CPA3: variants seen among roughly 807,000 people sequenced by gnomAD.
The protein encoded by CPA3 is carboxypeptidase A3, also known as mast cell carboxypeptidase A.
A neutral mutation model predicts 55.8 loss-of-function variants in CPA3; 52 were observed. The observed-to-expected ratio is 0.93, with a 90% CI of 0.75 to 1.17. The LOEUF (loss-of-function observed/expected upper bound fraction) is 1.17. CPA3 is among the 50% of genes most tolerant of loss of function. The pLI is 0.00. For synonymous variants in CPA3, 179 were observed against 171.2 expected (o/e 1.05, Z -0.36); for missense variants, 547 against 509.1 (o/e 1.07, Z -0.72).
intron 9 of CPA3, among the ~76,000 whole-genome samples, chr3:148,884,184 G>GCC (rs1055975711): frequency 9.9e-5 from 15 of 151,996 alleles, no homozygotes; most frequent in African/African-American, 3.4e-4. Context: ...TACTAGTCCT[G>GCC]CCCCCCAGAT....
At chr3:148,895,163 C>T (rs1021802142) in intron 10 of CPA3, among the ~76,000 whole-genome samples, 8 of 152,074 alleles carry the variant, frequency 5.3e-5, no homozygotes, top group Non-Finnish European at 1.2e-4. Context: ...CACCTAGTCC[C>T]GATTCACAAG....
chr3:148,892,158 C>T lies in CPA3; in HGVS notation c.1067-4362C>T, dbSNP rs566296914. 1.3e-4 allele frequency among the ~76,000 whole-genome samples: 20 copies of T among 152,022 alleles called. No homozygotes were observed. The South Asian group carries it at 4.2e-3, about 32-fold the overall frequency. On this transcript the variant is annotated intron_variant, in intron 10 of 10. Transcript: ENST00000296046. Reference sequence around the variant, plus strand: ...ACTGCTTCTAAAAGTAGACATTTTCCAAAAAATAGGGTACAATATATGGAT... The same window carrying T: ...ACTGCTTCTAAAAGTAGACATTTTCTAAAAAATAGGGTACAATATATGGAT...
chr3:148,895,509 T>C (rs1714801860), intron 10 of CPA3, among the ~76,000 whole-genome samples: 1 of 152,226 alleles, frequency 6.6e-6, no homozygotes, highest in Non-Finnish European at 1.5e-5. Context: ...TATTGACTTA[T>C]ACCTTGACTT....
At chr3:148,868,399 TAA>T (rs919251635) in intron 2 of CPA3, among the ~76,000 whole-genome samples, 1 of 152,120 alleles carries the variant, frequency 6.6e-6, no homozygotes, top group African/African-American at 2.4e-5. Context: ...GAGTAAAATT[TAA>T]AGAGTCCTAG....
chr3:148,869,702 T>C (rs6807270), intron 3 of CPA3, among the ~76,000 whole-genome samples: 87,134 of 152,068 alleles, frequency 0.57, 26,016 homozygotes, highest in Middle Eastern at 0.68. Flanking sequence ...TCTGAATATA[T>C]TGAGCAGCAA....
At chr3:148,886,220 T>A (rs766450732) in intron 10 of CPA3, 43 bp downstream of exon 10, 40 of 1,369,714 alleles carry the variant, frequency 2.9e-5, no homozygotes, top group Non-Finnish European at 4.0e-5. Flanking sequence ...TCCCTAATTA[T>A]TTTTTACAAA....
intron 10 of CPA3, among the ~76,000 whole-genome samples, chr3:148,892,245 A>G (rs963444294): frequency 2.6e-5 from 4 of 152,198 alleles, no homozygotes; most frequent in Non-Finnish European, 5.9e-5. Context: ...ATCAAGAAAT[A>G]ACCTCTATCC....
In CPA3 at chr3:148,881,429, G is replaced by C. The variant is rs1054567970; in HGVS notation, c.577-93G>C. The stretch of plus-strand genomic sequence containing the variant: ...TATGCTTGAAAACATGTGACCTTGG[G>C]AAGTGACTCAAGTTATTACTATTAT... On this transcript the variant is annotated intron_variant, in intron 6 of 10. Coordinates refer to ENST00000296046, the MANE Select transcript of CPA3 (RefSeq NM_001870.4). 1.5e-5 allele frequency: 10 copies of C among 663,832 alleles called. No homozygotes were observed. In the African/African-American group the frequency reaches 1.7e-4, roughly 11 times the overall value. The allele number at this position is 663,832 out of a possible 1,614,324, so 41.1% of individuals were successfully genotyped here.
chr3:148,888,948 C>A (rs1268449526), intron 10 of CPA3, among the ~76,000 whole-genome samples: 8 of 152,252 alleles, frequency 5.3e-5, no homozygotes, highest in African/African-American at 1.9e-4. Flanking sequence ...GTGGAAGGAG[C>A]GGAGAGCCAA....
rs376838148 is a variant in CPA3 at position 148,883,433 on chromosome 3, T to C, written c.779-180T>C. 8.5e-5 allele frequency among the ~76,000 whole-genome samples: 13 copies of C among 152,332 alleles called. No homozygotes were observed. In the South Asian group the frequency reaches 2.3e-3, roughly 27 times the overall value. ...CCAGTGGGCTAAGTCTGTTACAATC[T>C]GGCATGTGTGTGCAATGTTAATCTG... On this transcript the variant is annotated intron_variant, in intron 8 of 10. Coordinates refer to ENST00000296046, the MANE Select transcript of CPA3 (RefSeq NM_001870.4).
At position 148,879,777 on chromosome 3, in the gene CPA3, C is replaced by T. The variant is rs74621974; in HGVS notation, c.475-11C>T. ...TGTTCAAAACAATATCTCAAGTTTA[C>T]TTTTAAATAGATTGGGGAAAAGAAT... On this transcript the variant is annotated splice_polypyrimidine_tract_variant and intron_variant, in intron 5 of 10. Transcript: ENST00000296046. 6.1e-3 allele frequency: 9,658 copies of T among 1,575,010 alleles called. 437 individuals are homozygous for T. The African/African-American group carries it at 0.1, about 17-fold the overall frequency.
chr3:148,878,380 G>C, intron 3 of CPA3, 61 bp from the exon 4 acceptor site: 1 of 1,204,132 alleles, frequency 8.3e-7, no homozygotes, highest in Non-Finnish European at 1.2e-6. Context: ...GCAAATGAAA[G>C]ATAACTGTGT....
At chr3:148,873,320 A>T (rs758316835) in intron 3 of CPA3, among the ~76,000 whole-genome samples, 7 of 151,144 alleles carry the variant, frequency 4.6e-5, no homozygotes, top group Non-Finnish European at 8.8e-5. Context: ...AGTCACCCTG[A>T]CAGTGACTCT....
chr3:148,883,594 C>G lies in CPA3; in HGVS notation c.779-19C>G. 6.2e-7 allele frequency: 1 copy of G among 1,606,002 alleles called. No individual in the cohort carries two copies. On this transcript the variant is annotated intron_variant, in intron 8 of 10. Transcript: ENST00000296046. ...GATGGGGAGCAGACTGTGGTCTCAT[C>G]CACCTATGTCTTCTGCAGCCATTCC...
At chr3:148,874,557 G>T (rs1714160283) in intron 3 of CPA3, among the ~76,000 whole-genome samples, 1 of 152,070 alleles carries the variant, frequency 6.6e-6, no homozygotes, top group Non-Finnish European at 1.5e-5. Flanking sequence ...GAAATCCTAG[G>T]TTCATCATAA....
intron 2 of CPA3, among the ~76,000 whole-genome samples, chr3:148,867,617 T>G (rs146775807): frequency 5.2e-4 from 79 of 152,350 alleles, no homozygotes; most frequent in Non-Finnish European, 7.5e-4. Context: ...ACACTACATC[T>G]CTCATATGTC....
At chr3:148,888,852 C>G (rs1327332838) in intron 10 of CPA3, among the ~76,000 whole-genome samples, 1 of 152,212 alleles carries the variant, frequency 6.6e-6, no homozygotes, top group East Asian at 1.9e-4. Flanking sequence ...GTGTACCTAG[C>G]TAGCAGGCTA....
In CPA3 at chr3:148,879,779, T is replaced by A; in HGVS notation, c.475-9T>A. ...TTCAAAACAATATCTCAAGTTTACTTTTAAATAGATTGGGGAAAAGAATGA... is the reference window on the plus strand; with the variant it reads ...TTCAAAACAATATCTCAAGTTTACTATTAAATAGATTGGGGAAAAGAATGA... On this transcript the variant is annotated splice_polypyrimidine_tract_variant and intron_variant, in intron 5 of 10. Coordinates refer to ENST00000296046, the MANE Select transcript of CPA3 (RefSeq NM_001870.4). 6.3e-7 allele frequency: 1 copy of A among 1,583,456 alleles called. No individual in the cohort carries two copies. Among genetic ancestry groups the A allele is most frequent in the Non-Finnish European group, 8.7e-7 (1 of 1,152,504 alleles).
intron 9 of CPA3, among the ~76,000 whole-genome samples, chr3:148,884,735 A>G (rs1284769296): frequency 6.6e-6 from 1 of 152,128 alleles, no homozygotes; most frequent in Non-Finnish European, 1.5e-5. Context: ...TATATGGCCC[A>G]TAGTCATTTA....
Sources: allele counts gnomAD v4.1 joint callset (sites outside exome capture counted in the v4.1 genomes callset), GRCh38; gene constraint gnomAD v4.1.1; transcripts MANE v1.5; gene names NCBI Gene and HGNC (gene_info 2026-07-23, HGNC 2026-07-21).